Variants in HSPA4L observed in about 807,000 individuals in gnomAD.
HSPA4L encodes heat shock protein family A (Hsp70) member 4 like.
In HSPA4L, 48 loss-of-function variants were observed where a neutral mutation model predicts 100.3. That is an observed-to-expected ratio of 0.48 (90% CI 0.38 to 0.61). The LOEUF is 0.61. Among genes scored for constraint, HSPA4L ranks in the 20% least tolerant of loss-of-function variants. The pLI, the probability that HSPA4L is intolerant of heterozygous loss-of-function variation, is 0.00. For synonymous variants in HSPA4L, 319 were observed against 328.2 expected (o/e 0.97, Z 0.30); for missense variants, 886 against 988.6 (o/e 0.90, Z 1.39).
At chr4:127,823,010 C>G in intron 15 of HSPA4L, 116 bp downstream of exon 15, 6 of 951,588 alleles carry the variant, frequency 6.3e-6, no homozygotes, top group Non-Finnish European at 9.1e-6. Flanking sequence ...CAATCTTGGG[C>G]CCATATGGGG....
At chr4:127,827,973 T>C (rs1338123501) in intron 17 of HSPA4L, among the ~76,000 whole-genome samples, 1 of 152,140 alleles carries the variant, frequency 6.6e-6, no homozygotes, top group African/African-American at 2.4e-5. Flanking sequence ...CATTTAGATA[T>C]AACCGTAAAA....
intron 11 of HSPA4L, chr4:127,809,364 C>G: frequency 1.7e-6 from 2 of 1,173,334 alleles, no homozygotes; most frequent in South Asian, 1.2e-5. Context: ...TGCAGCCCAG[C>G]AGAAGGCAGC....
rs1030844962 is a variant in HSPA4L, at chr4:127,790,087, T to C, written c.108-3990T>C. Among the ~76,000 whole-genome samples, 6 of 152,332 alleles carry C rather than the reference T, an allele frequency of 3.9e-5. 1 individual carries two copies. Among genetic ancestry groups the C allele is most frequent in the Admixed American group, 3.9e-4 (6 of 15,304 alleles). ...GCTTTCAACTTCAGAGAATATCTCA[T>C]ACTGGTAACTGTTTAGCTTTCTTTG... On this transcript the variant is annotated intron_variant, in intron 1 of 18. Transcript: ENST00000296464.
chr4:127,802,861 A>G (rs1733230767), intron 6 of HSPA4L, among the ~76,000 whole-genome samples: 1 of 152,110 alleles, frequency 6.6e-6, no homozygotes, highest in African/African-American at 2.4e-5. Context: ...TCCTCCTGTG[A>G]TATTTACCAC....
chr4:127,825,928 A>T (rs1266322171), intron 16 of HSPA4L, among the ~76,000 whole-genome samples: 1 of 127,916 alleles, frequency 7.8e-6, no homozygotes, highest in Non-Finnish European at 1.8e-5. Context: ...CTCCATCTCA[A>T]AAAAAAAAAA....
intron 4 of HSPA4L, among the ~76,000 whole-genome samples, chr4:127,799,606 A>G (rs7671590): frequency 1.3e-5 from 2 of 151,978 alleles, no homozygotes; most frequent in African/African-American, 4.8e-5. Flanking sequence ...TTGAAAGGAT[A>G]TGTTAGAATC....
rs1734172461 is a variant in HSPA4L at position 127,835,052 on chromosome 4, GAA to G, written c.*2180_*2181del. 6.6e-6 allele frequency: 1 copy of G among 152,114 alleles called. No homozygotes were observed. Among genetic ancestry groups the G allele is most frequent in the African/African-American group, 2.4e-5 (1 of 41,404 alleles). The allele number at this position is 152,114 out of a possible 1,614,324, so 9.4% of individuals were successfully genotyped here. ...GTATTTATTTATTTAATTCATTAATGAAAGAGAGTGCTCTCTTTAATGCAGCT... is the reference window on the plus strand; with the variant it reads ...GTATTTATTTATTTAATTCATTAATGAGAGAGTGCTCTCTTTAATGCAGCT... On this transcript the variant is annotated 3_prime_UTR_variant, in exon 19 of 19. Coordinates refer to ENST00000296464, the MANE Select transcript of HSPA4L (RefSeq NM_014278.4).
chr4:127,828,231 C>T (rs1733997245), intron 17 of HSPA4L, among the ~76,000 whole-genome samples: 1 of 151,940 alleles, frequency 6.6e-6, no homozygotes, highest in South Asian at 2.1e-4. Flanking sequence ...TTTTTTAATC[C>T]CTACTCTAAG....
At chr4:127,793,326 T>C (rs1347770742) in intron 1 of HSPA4L, among the ~76,000 whole-genome samples, 1 of 152,172 alleles carries the variant, frequency 6.6e-6, no homozygotes, top group Non-Finnish European at 1.5e-5. Context: ...ATATATTCTA[T>C]TGATTTTTTT....
Position 127,805,161 on chromosome 4 carries a change from T to A in HSPA4L, c.1074T>A (p.Phe358Leu), listed in dbSNP as rs1277064947. 6.2e-7 allele frequency: 1 copy of A among 1,612,396 alleles called. No homozygotes were observed. The highest frequency in any genetic ancestry group is 1.3e-5 in the African/African-American group (1 of 74,918). ...PAVKEQITKF[F>L]LKDISTTLNA... ...TGAAAGAACAAATCACTAAATTCTT[T>A]CTTAAAGACATAAGTACCACATTAA... is the stretch of plus-strand genomic sequence containing the variant. The change falls in exon 9 of 19, where the codon TTT (phenylalanine) becomes TTA (leucine). Residue 358 changes from phenylalanine to leucine, a missense_variant. Coordinates refer to ENST00000296464, the MANE Select transcript of HSPA4L (RefSeq NM_014278.4).
At chr4:127,796,011 T>C in intron 3 of HSPA4L, 103 bp downstream of exon 3, 1 of 991,014 alleles carries the variant, frequency 1.0e-6, no homozygotes, top group Non-Finnish European at 1.5e-6. Flanking sequence ...CTAGATACAG[T>C]ACATACACAC....
intron 1 of HSPA4L, among the ~76,000 whole-genome samples, chr4:127,784,580 T>G (rs925464151): frequency 6.6e-6 from 1 of 152,250 alleles, no homozygotes; most frequent in African/African-American, 2.4e-5. Context: ...AAGGATATTC[T>G]CACTTAGCTT....
intron 1 of HSPA4L, among the ~76,000 whole-genome samples, chr4:127,789,528 G>T (rs1732812474): frequency 6.6e-6 from 1 of 151,782 alleles, no homozygotes; most frequent in African/African-American, 2.4e-5. Flanking sequence ...GGTGCCTGTA[G>T]TCCCAGCTAC....
intron 11 of HSPA4L, chr4:127,809,327 C>A: frequency 8.6e-7 from 1 of 1,168,806 alleles, no homozygotes; most frequent in South Asian, 1.2e-5. Context: ...ATAAGGACTT[C>A]TGGGATCACG....
chr4:127,808,729 T>C (rs959682962), intron 11 of HSPA4L, among the ~76,000 whole-genome samples: 3 of 152,210 alleles, frequency 2.0e-5, no homozygotes, highest in Admixed American at 6.5e-5. Context: ...GACAGCTATA[T>C]TTCTAATTCA....
At chr4:127,821,240 A>G (rs1272474514) in intron 14 of HSPA4L, among the ~76,000 whole-genome samples, 2 of 152,138 alleles carry the variant, frequency 1.3e-5, no homozygotes, top group Admixed American at 1.3e-4. Flanking sequence ...ATGTGAAGCA[A>G]GCATTCCTGG....
Position 127,808,072 on chromosome 4 carries a change from G to A in HSPA4L, c.1321G>A (p.Glu441Lys). 1 of 1,612,654 alleles carries A rather than the reference G, an allele frequency of 6.2e-7. No homozygotes were observed. Among genetic ancestry groups the A allele is most frequent in the Non-Finnish European group, 8.5e-7 (1 of 1,179,084 alleles). The change falls in exon 11 of 19, where the codon GAA becomes AAA. Residue 441 changes from glutamate to lysine, a missense_variant. Coordinates refer to ENST00000296464, the MANE Select transcript of HSPA4L (RefSeq NM_014278.4). ...VITFHKKEPF[E>K]LEAFYTNLHE... ...TACTTTCCACAAGAAGGAACCATTT[G>A]AACTAGAAGCATTTTATACTAATTT...
At chr4:127,789,851 T>G (rs1469514303) in intron 1 of HSPA4L, among the ~76,000 whole-genome samples, 2 of 152,228 alleles carry the variant, frequency 1.3e-5, no homozygotes, top group African/African-American at 4.8e-5. Flanking sequence ...ATAAAAGTTT[T>G]GAGAGCAAAT....
Position 127,782,535 on chromosome 4 carries a change from A to G in HSPA4L, c.-16A>G, listed in dbSNP as rs1732591139. On this transcript the variant is annotated 5_prime_UTR_variant, in exon 1 of 19. Coordinates refer to ENST00000296464, the MANE Select transcript of HSPA4L (RefSeq NM_014278.4). ...CGAAGGGTTCAGTACCAGCAGCCCGACCATCACGCGGCGGGATGTCTGTGG... is the reference window on the plus strand; with the variant it reads ...CGAAGGGTTCAGTACCAGCAGCCCGGCCATCACGCGGCGGGATGTCTGTGG... The G allele has an allele frequency of 6.2e-7, 1 of 1,606,598 alleles. No homozygotes were observed.
Sources: allele counts gnomAD v4.1 joint callset (sites outside exome capture counted in the v4.1 genomes callset), GRCh38; gene constraint gnomAD v4.1.1; transcripts MANE v1.5; gene names NCBI Gene and HGNC (gene_info 2026-07-23, HGNC 2026-07-21).